The following MUC22 variants were observed in gnomAD, a reference collection of about 807,000 sequenced individuals.
The protein encoded by MUC22 is mucin 22, also known as mucin-22.
Under a neutral mutation model 40.3 loss-of-function variants are expected in MUC22, and 24 were observed. That is an observed-to-expected ratio of 0.60 (90% CI 0.43 to 0.84). The LOEUF (loss-of-function observed/expected upper bound fraction) is 0.84. MUC22 is among the 40% of genes least tolerant of loss of function. MUC22 has a pLI of 0.00. For missense variants in MUC22, 1,926 were observed against 2,130.7 expected, an observed-to-expected ratio of 0.90 and a Z score of 1.89; for synonymous variants, 765 against 844.5, an observed-to-expected ratio of 0.91 and a Z score of 1.63.
exon 2 of MUC22, chr6:31,025,619 C>G: frequency 6.6e-7 from 1 of 1,525,144 alleles, no homozygotes; most frequent in Non-Finnish European, 8.8e-7. Flanking sequence ...ACTACAGGCT[C>G]TAAGATCACC....
At chr6:31,007,977 G>C (rs1407528724), upstream of MUC22, among the ~76,000 whole-genome samples, 4 of 152,180 alleles carry the variant, frequency 2.6e-5, no homozygotes, top group Non-Finnish European at 4.4e-5. The surrounding 1 kb of genome is among the most constrained non-coding windows in gnomAD (Gnocchi z 4.0). Context: ...ATTCCACATA[G>C]CTGGGCCTCT....
chr6:31,029,123 C>T (rs1765772478), exon 2 of MUC22: 1 of 1,531,618 alleles, frequency 6.5e-7, no homozygotes, highest in African/African-American at 1.4e-5. Flanking sequence ...GCCTCTACTG[C>T]AGGCTCAGAG....
At chr6:31,028,486 A>T (rs1307163207) in exon 2 of MUC22, 1 of 1,534,580 alleles carries the variant, frequency 6.5e-7, no homozygotes, top group African/African-American at 1.4e-5. Flanking sequence ...CACAGCCTCT[A>T]CTACAAGCTC....
chr6:31,028,654 A>C, exon 2 of MUC22: 2 of 1,534,962 alleles, frequency 1.3e-6, no homozygotes, highest in Non-Finnish European at 1.7e-6. Context: ...CTCTGAGACC[A>C]CCACAGTCTC....
chr6:31,019,118 AG>A (rs1302209508), intron 1 of MUC22, among the ~76,000 whole-genome samples: 1 of 152,242 alleles, frequency 6.6e-6, no homozygotes, highest in Non-Finnish European at 1.5e-5. Flanking sequence ...GGGCACAAAA[AG>A]TTCAAAGTCT....
chr6:31,023,222 T>C (rs750916739), intron 1 of MUC22, among the ~76,000 whole-genome samples: 41 of 144,546 alleles, frequency 2.8e-4, no homozygotes, highest in African/African-American at 9.5e-4. Flanking sequence ...ACGAGAAAAA[T>C]AGAAAACAAA....
At chr6:31,031,215 C>G (rs373794012) in intron 2 of MUC22, among the ~76,000 whole-genome samples, 2 of 152,212 alleles carry the variant, frequency 1.3e-5, no homozygotes, top group Non-Finnish European at 2.9e-5. Flanking sequence ...TGTGTTGATT[C>G]GTGCTCACAC....
intron 1 of MUC22, among the ~76,000 whole-genome samples, chr6:31,022,063 T>C (rs9262532): frequency 0.38 from 57,742 of 151,160 alleles, 11,208 homozygotes; most frequent in East Asian, 0.47. Flanking sequence ...CTGTGAAGGT[T>C]TGCAGCTTCA....
At chr6:31,012,069 G>T (rs1763899199) in intron 1 of MUC22, among the ~76,000 whole-genome samples, 1 of 152,162 alleles carries the variant, frequency 6.6e-6, no homozygotes, top group Non-Finnish European at 1.5e-5. Context: ...AGATAGTACT[G>T]TTCACTCCAG....
exon 2 of MUC22, chr6:31,026,858 C>T (rs76100089): frequency 0.036 from 54,094 of 1,494,276 alleles, 7,995 homozygotes; most frequent in East Asian, 0.21. Flanking sequence ...CATTCTGAGA[C>T]GACTGCAGCC....
exon 2 of MUC22, chr6:31,026,840 C>A: frequency 6.7e-7 from 1 of 1,492,542 alleles, no homozygotes; most frequent in Admixed American, 2.0e-5. Context: ...ACAACAGCCT[C>A]TACTGCACAT....
chr6:31,026,706 G>A (rs9468859), exon 2 of MUC22: 21,943 of 1,505,406 alleles, frequency 0.015, 2,432 homozygotes, highest in African/African-American at 0.025. Context: ...CAGGCTCTGA[G>A]ATGACCACAG....
exon 1 of MUC22, chr6:31,010,616 G>A (rs1335082282): frequency 1.5e-6 from 1 of 688,274 alleles, no homozygotes; most frequent in Non-Finnish European, 2.7e-6. Flanking sequence ...AAGGCCCAGG[G>A]GGTTTGCCCC....
intron 3 of MUC22, among the ~76,000 whole-genome samples, chr6:31,033,768 C>G (rs1179349552): frequency 6.6e-6 from 1 of 152,218 alleles, no homozygotes; most frequent in Non-Finnish European, 1.5e-5. Flanking sequence ...CAAATCAGCA[C>G]TTTTCCCTCG....
chr6:31,019,233 G>T (rs9295942), intron 1 of MUC22, among the ~76,000 whole-genome samples: 18,348 of 152,014 alleles, frequency 0.12, 1,323 homozygotes, highest in East Asian at 0.33. Context: ...ACTTCTTTTC[G>T]TGTCATCCAC....
At chr6:31,007,739 C>T (rs548900395), upstream of MUC22, among the ~76,000 whole-genome samples, 5 of 152,280 alleles carry the variant, frequency 3.3e-5, no homozygotes, top group Non-Finnish European at 5.9e-5. The surrounding 1 kb of genome is among the most constrained non-coding windows in gnomAD (Gnocchi z 4.0). Context: ...GAATTCCCTA[C>T]TCTGTGCGAA....
chr6:31,026,764 G>C lies in MUC22; in HGVS notation c.1333G>C (p.Glu445Gln), dbSNP rs1250785455. ...CATCACACCCTCTACTGCAGGCTCAGAGACCACCACAGTCTCTACTGCAGG... is the reference window on the plus strand; with the variant it reads ...CATCACACCCTCTACTGCAGGCTCACAGACCACCACAGTCTCTACTGCAGG... Residue 445 changes from glutamate (E) to glutamine (Q), a missense_variant, in exon 2 of 4, where the codon GAG becomes CAG. Physicochemically the swap from Glu to Gln is conservative, Grantham distance 29 (BLOSUM62 2). Coordinates refer to ENST00000561890, the Ensembl canonical transcript of MUC22. 4 of 1,510,792 alleles carry C rather than the reference G, an allele frequency of 2.6e-6. 1 individual carries two copies. The highest frequency in any genetic ancestry group is 3.5e-6 in the Non-Finnish European group (4 of 1,130,576). The allele number at this position is 1,510,792 out of a possible 1,614,324, so 93.6% of individuals were successfully genotyped here.
chr6:31,025,769 C>A, exon 2 of MUC22: 1 of 1,532,684 alleles, frequency 6.5e-7, no homozygotes, highest in Non-Finnish European at 8.7e-7. Context: ...ACCTTCACCA[C>A]AGGCTCTGAC....
At chr6:31,033,128 G>A (rs1375453237) in intron 3 of MUC22, among the ~76,000 whole-genome samples, 1 of 152,068 alleles carries the variant, frequency 6.6e-6, no homozygotes, top group Non-Finnish European at 1.5e-5. Flanking sequence ...TCGTGCCACT[G>A]CACTCCAGCC....
Sources: gnomAD v4.1 joint callset for allele counts (sites outside exome capture counted in the v4.1 genomes callset) on GRCh38, gnomAD v4.1.1 for gene constraint, Gnocchi (gnomAD v3.1) non-coding constraint, MANE v1.5 for transcripts, NCBI Gene and HGNC (gene_info 2026-07-23, HGNC 2026-07-21) for gene names.